ALOX12B: variants seen among roughly 807,000 people sequenced by gnomAD.
The protein encoded by ALOX12B is arachidonate 12-lipoxygenase, 12R-type.
ALOX12B carries 47 observed loss-of-function variants against 78.9 expected under a neutral mutation model. The ratio of observed to expected loss-of-function variants is 0.60; its 90% CI spans 0.47 to 0.76. The LOEUF (loss-of-function observed/expected upper bound fraction) is 0.76, where lower values mean the gene tolerates loss of function less well. ALOX12B is among the 30% of genes least tolerant of loss of function. The pLI is 0.00. For synonymous variants in ALOX12B, 370 were observed against 374.5 expected, an observed-to-expected ratio of 0.99 and a Z score of 0.14; for missense variants, 805 against 922.6, an observed-to-expected ratio of 0.87 and a Z score of 1.65.
intron 1 of ALOX12B, among the ~76,000 whole-genome samples, chr17:8,086,890 G>A (rs941989766): frequency 5.9e-5 from 9 of 152,038 alleles, no homozygotes; most frequent in African/African-American, 2.2e-4. Context: ...GAAAGCAGGT[G>A]GAAAGGATTG....
In ALOX12B at chr17:8,073,768, G is replaced by T; in HGVS notation, c.1655-11C>A. The stretch of plus-strand genomic sequence containing the variant: ...AGCACCTAGGGAAGCCTGACCGGCG[G>T]GGGAAAAGCCCAGGCGACATCAGTC... On this transcript the variant is annotated splice_polypyrimidine_tract_variant and intron_variant, in intron 12 of 14. Coordinates refer to ENST00000647874, the MANE Select transcript of ALOX12B (RefSeq NM_001139.3). 1 of 1,611,874 alleles carries T rather than the reference G, an allele frequency of 6.2e-7. No individual in the cohort carries two copies. The highest frequency in any genetic ancestry group is 8.5e-7 in the Non-Finnish European group (1 of 1,178,362).
In ALOX12B at chr17:8,073,148, C is replaced by A. The variant is rs766208536; in HGVS notation, c.1926G>T (p.Arg642Ser). Reference sequence around the variant, plus strand: ...CAGAGTCCCCCATCCCGTCTCGCACCCTGTCGTCAGGCTCTCGGCTGAGGG... The same window carrying A: ...CAGAGTCCCCCATCCCGTCTCGCACACTGTCGTCAGGCTCTCGGCTGAGGG... ...LWTLSREPDD[R>S]RPLGHFPDIH... The change falls in exon 14 of 15, where the codon AGG (arginine) becomes AGT (serine). Residue 642 changes from arginine to serine, a missense_variant and splice_region_variant. Arg to Ser is a moderately radical substitution (Grantham distance 110). Coordinates refer to ENST00000647874, the MANE Select transcript of ALOX12B (RefSeq NM_001139.3). The A allele has an allele frequency of 6.2e-7, 1 of 1,614,126 alleles. No individual in the cohort carries two copies.
intron 10 of ALOX12B, 127 bp from the exon 11 acceptor site, chr17:8,076,471 G>T: frequency 1.5e-6 from 2 of 1,299,300 alleles, no homozygotes; most frequent in Non-Finnish European, 2.1e-6. Context: ...GAACAATCCT[G>T]CTCTGGGCCA....
At position 8,080,966 on chromosome 17, in the gene ALOX12B, A is replaced by G. The variant is rs1341196042; in HGVS notation, c.445T>C (p.Phe149Leu). ...AKQDFYHWRV[F>L]LPGLPSYVHI... Reference sequence around the variant, plus strand: ...ACATAGCTGGGCAGGCCAGGAAGAAAGACTCGCCAGCTGCAAGGGAAACCG... The same window carrying G: ...ACATAGCTGGGCAGGCCAGGAAGAAGGACTCGCCAGCTGCAAGGGAAACCG... The change falls in exon 4 of 15, where the codon TTT becomes CTT. Residue 149 changes from phenylalanine to leucine, a missense_variant. Transcript: ENST00000647874. The surrounding 1 kb of genome is among the most constrained non-coding windows in gnomAD (Gnocchi z 4.8). The G allele has an allele frequency of 1.2e-6, 2 of 1,613,918 alleles. No homozygotes were observed. The highest frequency in any genetic ancestry group is 2.2e-5 in the East Asian group (1 of 44,864).
In ALOX12B at chr17:8,086,041, C is replaced by G; in HGVS notation, c.327G>C (p.Glu109Asp). 2 of 1,614,152 alleles carry G rather than the reference C, an allele frequency of 1.2e-6. No individual in the cohort carries two copies. The highest frequency in any genetic ancestry group is 8.5e-7 in the Non-Finnish European group (1 of 1,180,002). ...FPAYQWMDGY[E>D]TLALREATGK... is the part of the protein sequence containing the mutation. ...CTGTGGCCTCCCGGAGTGCCAGGGT[C>G]TCGTAGCCATCCATCCACTGGTAGG... Residue 109 changes from glutamate to aspartate, a missense_variant, in exon 2 of 15, where the codon GAG (glutamate) becomes GAC (aspartate). Transcript: ENST00000647874.
chr17:8,077,315 C>T (rs908331063), intron 8 of ALOX12B, 122 bp from the exon 9 acceptor site: 3 of 995,166 alleles, frequency 3.0e-6, no homozygotes, highest in Non-Finnish European at 4.6e-6. Flanking sequence ...GCTCCGGTCC[C>T]ACTGGTCCCC....
At position 8,076,690 on chromosome 17, in the gene ALOX12B, G is replaced by A. The variant is rs141607656; in HGVS notation, c.1329C>T (p.Ala443=). ...YTVQINSIGR[A]VLLNEGGLSA... is the part of the protein sequence containing the mutation. ...AGAGCCCCCCCTCATTGAGGAGAAC[G>A]GCCCGGCCAATGCTGTTGATCTGGA... Residue 443 remains alanine (A), a synonymous_variant, in exon 10 of 15, where the codon GCC becomes GCT. Coordinates refer to ENST00000647874, the MANE Select transcript of ALOX12B (RefSeq NM_001139.3). 53 of 1,551,248 alleles carry A rather than the reference G, an allele frequency of 3.4e-5. No individual in the cohort carries two copies. The highest frequency in any genetic ancestry group is 1.2e-4 in the African/African-American group (9 of 73,052).
chr17:8,086,658 T>C (rs1046509800), intron 1 of ALOX12B, among the ~76,000 whole-genome samples: 1 of 152,184 alleles, frequency 6.6e-6, no homozygotes, highest in South Asian at 2.1e-4. Context: ...TAAGGTCGCC[T>C]AGCAGCAGGT....
Position 8,080,147 on chromosome 17 carries a change from G to T in ALOX12B, c.754+88C>A. 6.6e-7 allele frequency: 1 copy of T among 1,514,288 alleles called. No homozygotes were observed. Among genetic ancestry groups the T allele is most frequent in the Non-Finnish European group, 9.2e-7 (1 of 1,089,932 alleles). The allele number at this position is 1,514,288 out of a possible 1,614,324, so 93.8% of individuals were successfully genotyped here. On this transcript the variant is annotated intron_variant, in intron 6 of 14. Transcript: ENST00000647874. The surrounding 1 kb of genome is among the most constrained non-coding windows in gnomAD (Gnocchi z 4.8). ...GCGCGCGCGCCTCGCTGCCTCTCCC[G>T]TCCCACTGCCCCGAAGTCGGGGGCC...
chr17:8,076,106 C>A (rs1977074401), intron 11 of ALOX12B, 69 bp downstream of exon 11: 2 of 1,599,240 alleles, frequency 1.3e-6, no homozygotes, highest in Admixed American at 3.3e-5. Context: ...TCTCTAGAAG[C>A]TCCCCACACC....
intron 12 of ALOX12B, 46 bp from the exon 13 acceptor site, chr17:8,073,803 T>G: frequency 1.3e-6 from 2 of 1,503,406 alleles, no homozygotes; most frequent in Non-Finnish European, 1.8e-6. Flanking sequence ...CGTGCCCTGG[T>G]ACTGGCTGCC....
chr17:8,080,089 G>A lies in ALOX12B; in HGVS notation c.754+146C>T, dbSNP rs767098462. ...TGGCGCTGAGCGGCCGGAGGAGCCC[G>A]GTGCGACATTTTCCAAGAAGCCGCC... On this transcript the variant is annotated intron_variant, in intron 6 of 14. Coordinates refer to ENST00000647874, the MANE Select transcript of ALOX12B (RefSeq NM_001139.3). The surrounding 1 kb of genome is among the most constrained non-coding windows in gnomAD (Gnocchi z 4.8). 2.0e-6 allele frequency: 3 copies of A among 1,475,300 alleles called. No individual in the cohort carries two copies. The highest frequency in any genetic ancestry group is 2.0e-4 in the Middle Eastern group (1 of 5,052). The allele number at this position is 1,475,300 out of a possible 1,614,324, so 91.4% of individuals were successfully genotyped here. A position where few individuals can be genotyped will look rare whatever the true frequency, so the allele number is the denominator to read the frequency against.
intron 13 of ALOX12B, 33 bp downstream of exon 13, chr17:8,073,624 G>T: frequency 6.3e-7 from 1 of 1,589,968 alleles, no homozygotes; most frequent in South Asian, 1.1e-5. Flanking sequence ...TCTGAGCCTC[G>T]GGCTGGGCCT....
rs989601301 is a variant in ALOX12B at position 8,073,899 on chromosome 17, A to AC, written c.1655-143dup. On this transcript the variant is annotated intron_variant, in intron 12 of 14. Transcript: ENST00000647874. ...TCCGTACCCTCATCCTGCCTGCGTG[A>AC]CCCTCCTATGGCAGCAACCCCATCT... 15 of 728,396 alleles carry AC rather than the reference A, an allele frequency of 2.1e-5. No homozygotes were observed. In the Admixed American group the frequency reaches 3.0e-4, roughly 15 times the overall value. 45.1% of individuals were successfully genotyped at this position (728,396 alleles called of 1,614,324 possible).
Position 8,087,353 on chromosome 17 carries a change from T to C in ALOX12B, c.90A>G (p.Gln30=), listed in dbSNP as rs150962362. The C allele has an allele frequency of 4.0e-5, 64 of 1,613,994 alleles. No homozygotes were observed. In the African/African-American group the frequency reaches 7.9e-4, roughly 20 times the overall value. ...TCAGCAGCTGCTTATGGCTCTCTCC[T>C]TGTGTCCCCACAATGGTCAGTGAGA... ...DSISLTIVGT[Q]GESHKQLLNH... Residue 30 remains glutamine (Q), a synonymous_variant, in exon 1 of 15, where the codon CAA becomes CAG. Transcript: ENST00000647874.
Position 8,076,145 on chromosome 17 carries a change from A to G in ALOX12B, c.1532+30T>C, listed in dbSNP as rs2289586. The G allele has an allele frequency of 0.83, 1,342,886 of 1,613,344 alleles. 560,146 individuals carry two copies. The highest frequency in any genetic ancestry group is 0.96 in the African/African-American group (71,676 of 75,010). ...TCCAACATCCCAGGTTGTCCACCCT[A>G]AGAGCCACCCACTGCTGTCCTGAGC... On this transcript the variant is annotated intron_variant, in intron 11 of 14. Coordinates refer to ENST00000647874, the MANE Select transcript of ALOX12B (RefSeq NM_001139.3).
At chr17:8,086,651 G>A (rs1013343869) in intron 1 of ALOX12B, among the ~76,000 whole-genome samples, 1 of 152,210 alleles carries the variant, frequency 6.6e-6, no homozygotes, top group Non-Finnish European at 1.5e-5. Context: ...GACCTATTAA[G>A]GTCGCCTAGC....
Position 8,080,190 on chromosome 17 carries a change from A to G in ALOX12B, c.754+45T>C. 6.3e-7 allele frequency: 1 copy of G among 1,598,702 alleles called. No individual in the cohort carries two copies. The highest frequency in any genetic ancestry group is 8.6e-7 in the Non-Finnish European group (1 of 1,166,190). On this transcript the variant is annotated intron_variant, in intron 6 of 14. Coordinates refer to ENST00000647874, the MANE Select transcript of ALOX12B (RefSeq NM_001139.3). This position sits in a 1 kb window ranked among gnomAD's most constrained non-coding sequence, Gnocchi z 4.8. ...CGGGGGCCTGCCTAGCACGCCGGAG[A>G]CCGCCTGGCTCCCCCTGCTCGATCC... is the stretch of plus-strand genomic sequence containing the variant.
Position 8,080,903 on chromosome 17 carries a change from G to A in ALOX12B, c.508C>T (p.Arg170Cys). Reference protein sequence around the residue: ...PSYRPPVRRHRNPNRPEWNGY... With the variant: ...PSYRPPVRRHCNPNRPEWNGY... ...CCTTACTCAGGCCGGTTGGGGTTGC[G>A]ATGCCTCCGCACCGGAGGGCGGTAA... is the stretch of plus-strand genomic sequence containing the variant. The change falls in exon 4 of 15, where the codon CGC becomes TGC. Residue 170 changes from arginine to cysteine, a missense_variant. Transcript: ENST00000647874. This position sits in a 1 kb window ranked among gnomAD's most constrained non-coding sequence, Gnocchi z 4.8. 1 of 1,613,918 alleles carries A rather than the reference G, an allele frequency of 6.2e-7. No individual in the cohort carries two copies. Among genetic ancestry groups the A allele is most frequent in the South Asian group, 1.1e-5 (1 of 91,088 alleles).
Sources: gnomAD v4.1 joint callset for allele counts (sites outside exome capture counted in the v4.1 genomes callset) on GRCh38, gnomAD v4.1.1 for gene constraint, Gnocchi (gnomAD v3.1) non-coding constraint, MANE v1.5 for transcripts, NCBI Gene and HGNC (gene_info 2026-07-23, HGNC 2026-07-21) for gene names.